Variants in CANX observed in about 807,000 individuals in gnomAD.
CANX encodes calnexin, also known as epididymis secretory sperm binding protein.
CANX carries 14 observed loss-of-function variants against 75.7 expected under a neutral mutation model. The observed-to-expected ratio is 0.19, with a 90% CI of 0.12 to 0.29. The LOEUF (loss-of-function observed/expected upper bound fraction) is 0.29, where lower values mean the gene tolerates loss of function less well. CANX is among the 10% of genes least tolerant of loss of function. The probability of loss-of-function intolerance (pLI) is 1.00; values close to 1 mark genes in which losing one functional copy is unlikely to be tolerated. For missense variants in CANX, 567 were observed against 713.2 expected (o/e 0.79, Z 2.34); for synonymous variants, 227 against 236.9 (o/e 0.96, Z 0.38).
Position 179,726,779 on chromosome 5 carries a change from C to G in CANX, c.1725+20C>G, listed in dbSNP as rs781713025. The G allele has an allele frequency of 2.5e-6, 4 of 1,572,004 alleles. No individual in the cohort carries two copies. In the Admixed American group the frequency reaches 5.1e-5, roughly 20 times the overall value. On this transcript the variant is annotated intron_variant, in intron 14 of 14. Coordinates refer to ENST00000247461, the MANE Select transcript of CANX (RefSeq NM_001746.4). ...GCAGAGGTAAAGGAAAGGGGTCACA[C>G]ATTTTGTTTTACCAAGCTGAAGGTA...
chr5:179,696,924 G>A (rs1189613592), upstream of CANX, among the ~76,000 whole-genome samples: 1 of 147,580 alleles, frequency 6.8e-6, no homozygotes, highest in Non-Finnish European at 1.5e-5. Flanking sequence ...ACTCACTTCT[G>A]GTCTCTGTCA....
intron 1 of CANX, among the ~76,000 whole-genome samples, chr5:179,702,352 G>A (rs945499149): frequency 1.3e-5 from 2 of 151,894 alleles, no homozygotes; most frequent in African/African-American, 4.8e-5. Context: ...ATGCCAACCA[G>A]GAGACCAGAA....
At chr5:179,719,828 GT>G (rs573862439) in intron 9 of CANX, 47 bp downstream of exon 9, 9,780 of 810,100 alleles carry the variant, frequency 0.012, no homozygotes, top group South Asian at 0.015. Context: ...TTTTTTGTTT[GT>G]TTTTTTTTTT....
Position 179,723,668 on chromosome 5 carries a change from T to C in CANX, c.1407T>C (p.Val469=). ...KAADGAAEPG[V]VGQMIEAAEE... ...CCTGTCTTGTTTTTCAGCCAGGCGT[T>C]GTGGGGCAGATGATCGAGGCAGCTG... Residue 469 remains valine (V), a synonymous_variant, in exon 12 of 15, where the codon GTT becomes GTC. Transcript: ENST00000247461. The C allele has an allele frequency of 6.2e-7, 1 of 1,613,338 alleles. No homozygotes were observed.
intron 1 of CANX, among the ~76,000 whole-genome samples, chr5:179,704,817 CAG>C (rs1777018818): frequency 1.3e-5 from 2 of 152,036 alleles, no homozygotes; most frequent in South Asian, 2.1e-4. Context: ...GCCTGGGCGA[CAG>C]AGGGAGAATC....
intron 7 of CANX, among the ~76,000 whole-genome samples, chr5:179,712,714 G>A (rs1431059342): frequency 5.4e-5 from 8 of 147,690 alleles, no homozygotes; most frequent in South Asian, 2.1e-4. Context: ...GTGAGCCACC[G>A]CGCCTGGACT....
chr5:179,706,130 G>T lies in CANX; in HGVS notation c.172-128G>T. On this transcript the variant is annotated intron_variant, in intron 2 of 14. Transcript: ENST00000247461. ...TTGTCTTGCTAGAGGCCAATTATAT[G>T]GGTTGAATTTGAAGGCCAGCTATGA... 6.4e-6 allele frequency: 4 copies of T among 622,666 alleles called. No individual in the cohort carries two copies. In the Admixed American group the frequency reaches 1.2e-4, roughly 19 times the overall value. 38.6% of individuals were successfully genotyped at this position (622,666 alleles called of 1,614,324 possible).
At chr5:179,700,030 T>C (rs1483200022) in intron 1 of CANX, among the ~76,000 whole-genome samples, 1 of 152,222 alleles carries the variant, frequency 6.6e-6, no homozygotes, top group African/African-American at 2.4e-5. Flanking sequence ...GTCCGACATT[T>C]AGTAACTGCT....
At chr5:179,698,897 G>A, upstream of CANX, 1 of 1,157,488 alleles carries the variant, frequency 8.6e-7, no homozygotes, top group Non-Finnish European at 1.1e-6. Flanking sequence ...CTTGGCGCCG[G>A]CTGTGGCTAC....
intron 1 of CANX, among the ~76,000 whole-genome samples, chr5:179,689,379 GTT>G (rs958473912): frequency 1.2e-4 from 10 of 83,660 alleles, no homozygotes; most frequent in South Asian, 5.4e-4. Flanking sequence ...AACCCAACAA[GTT>G]TTTTTTTTTT....
chr5:179,728,795 CTT>C lies in CANX; in HGVS notation c.*153_*154del. On this transcript the variant is annotated 3_prime_UTR_variant, in exon 15 of 15. Transcript: ENST00000247461. ...TCCAGTTGAACACTAGTCTGTGTAA[CTT>C]TAAACATCTAGCAGTAAATACTTGC... 3 of 707,856 alleles carry C rather than the reference CTT, an allele frequency of 4.2e-6. No individual in the cohort carries two copies. The South Asian group carries it at 4.5e-5, about 11-fold the overall frequency. The allele number at this position is 707,856 out of a possible 1,614,324, so 43.8% of individuals were successfully genotyped here.
rs1394299365 is a variant in CANX at position 179,729,567 on chromosome 5, C to T, written c.*923C>T. The T allele has an allele frequency of 6.5e-6, 1 of 152,720 alleles. No individual in the cohort carries two copies. Among genetic ancestry groups the T allele is most frequent in the African/African-American group, 2.4e-5 (1 of 41,450 alleles). The allele number at this position is 152,720 out of a possible 1,614,324, so 9.5% of individuals were successfully genotyped here. Reference sequence around the variant, plus strand: ...ATCCCCAGCTTTCTCCTCTGCTATGCATTTTCTTCACAGTGCAGCTTGCAG... The same window carrying T: ...ATCCCCAGCTTTCTCCTCTGCTATGTATTTTCTTCACAGTGCAGCTTGCAG... On this transcript the variant is annotated 3_prime_UTR_variant, in exon 15 of 15. Coordinates refer to ENST00000247461, the MANE Select transcript of CANX (RefSeq NM_001746.4).
exon 1 of CANX, chr5:179,678,736 C>G (rs1775968716): frequency 6.5e-7 from 1 of 1,536,934 alleles, no homozygotes; most frequent in African/African-American, 1.4e-5. Flanking sequence ...GCGCCATGGT[C>G]TCAGTCAGCA....
chr5:179,727,134 C>T (rs1778719165), intron 14 of CANX, among the ~76,000 whole-genome samples: 1 of 152,088 alleles, frequency 6.6e-6, no homozygotes, highest in African/African-American at 2.4e-5. Context: ...CCCCGTTGTC[C>T]ATAGATGGGT....
chr5:179,698,724 G>T (rs1175743198), upstream of CANX: 2 of 752,932 alleles, frequency 2.7e-6, no homozygotes, highest in South Asian at 3.0e-5. Flanking sequence ...GATCCAGCGT[G>T]GCCCGCCCCT....
At chr5:179,725,944 C>CAT (rs1778634614) in intron 13 of CANX, among the ~76,000 whole-genome samples, 8 of 140,838 alleles carry the variant, frequency 5.7e-5, no homozygotes, top group South Asian at 2.3e-4. Flanking sequence ...GCCGAGATTG[C>CAT]GCCACTGCAC....
At chr5:179,704,169 G>T (rs1157690167) in intron 1 of CANX, 1 of 152,068 alleles carries the variant, frequency 6.6e-6, no homozygotes, top group Admixed American at 6.6e-5. Flanking sequence ...GTGGTCCTCC[G>T]TGGAAAGAGA....
rs1340703639 is a variant in CANX, at chr5:179,712,798, A to G, written c.721+2733A>G. 2.0e-5 allele frequency among the ~76,000 whole-genome samples: 3 copies of G among 151,216 alleles called. No homozygotes were observed. The East Asian group carries it at 5.8e-4, about 29-fold the overall frequency. On this transcript the variant is annotated intron_variant, in intron 7 of 14. Transcript: ENST00000247461. Reference sequence around the variant, plus strand: ...GCGTGCAGTGGCGTGATCTTGGCCTACTGTGACGTCTGCCTCCCGGGTTCA... The same window carrying G: ...GCGTGCAGTGGCGTGATCTTGGCCTGCTGTGACGTCTGCCTCCCGGGTTCA...
intron 3 of CANX, 123 bp from the exon 4 acceptor site, chr5:179,707,009 T>C (rs902244067): frequency 7.7e-6 from 5 of 653,446 alleles, no homozygotes; most frequent in African/African-American, 3.6e-5. Context: ...ATTTAAAGGT[T>C]GGAAGTAGAG....
Sources: gnomAD v4.1 joint callset for allele counts (sites outside exome capture counted in the v4.1 genomes callset) on GRCh38, gnomAD v4.1.1 for gene constraint, MANE v1.5 for transcripts, NCBI Gene and HGNC (gene_info 2026-07-23, HGNC 2026-07-21) for gene names.